Variants in LUZP1 observed in about 807,000 individuals in gnomAD.
LUZP1 encodes the protein filamin mechanobinding actin cross-linking protein.
LUZP1 carries 25 observed loss-of-function variants against 71.3 expected under a neutral mutation model. That is an observed-to-expected ratio of 0.35 (90% CI 0.26 to 0.49). The LOEUF is 0.49. LUZP1 is among the 20% of genes least tolerant of loss of function. LUZP1 has a pLI of 0.99. For synonymous variants in LUZP1, 481 were observed against 506.4 expected (o/e 0.95, Z 0.67); for missense variants, 1,142 against 1,300.8 (o/e 0.88, Z 1.88).
chr1:23,117,589 G>C (rs2124658038), intron 2 of LUZP1, among the ~76,000 whole-genome samples: 1 of 146,932 alleles, frequency 6.8e-6, no homozygotes, highest in Non-Finnish European at 1.5e-5. Context: ...TAAGTACTAA[G>C]AGAGGTGGAT....
At chr1:23,117,503 G>A (rs1398832765) in intron 2 of LUZP1, among the ~76,000 whole-genome samples, 1 of 30,430 alleles carries the variant, frequency 3.3e-5, no homozygotes, top group Non-Finnish European at 5.2e-5. Context: ...CAATCAGGAA[G>A]CCCTGGGGGG....
intron 2 of LUZP1, among the ~76,000 whole-genome samples, chr1:23,132,512 TAA>T (rs11311477): frequency 2.1e-3 from 304 of 144,906 alleles, no homozygotes; most frequent in African/African-American, 5.3e-3. Flanking sequence ...ACTTCTTGTT[TAA>T]AAAAAAAAAA....
intron 2 of LUZP1, among the ~76,000 whole-genome samples, chr1:23,145,368 T>A (rs1240817122): frequency 1.3e-5 from 2 of 152,142 alleles, no homozygotes; most frequent in South Asian, 2.1e-4. Context: ...ACAATAATAA[T>A]AGGTAATATT....
At chr1:23,097,183 T>C (rs1353258563) in intron 3 of LUZP1, among the ~76,000 whole-genome samples, 1 of 152,100 alleles carries the variant, frequency 6.6e-6, no homozygotes, top group Non-Finnish European at 1.5e-5. Flanking sequence ...CCTAATACTA[T>C]CTCCTTAAAG....
chr1:23,121,056 G>A (rs1218775480), intron 2 of LUZP1, among the ~76,000 whole-genome samples: 6 of 152,122 alleles, frequency 3.9e-5, no homozygotes, highest in African/African-American at 1.4e-4. Context: ...CCAGCCCAGG[G>A]AGAAAAATCC....
chr1:23,153,662 T>TTTTTG (rs370339175), intron 2 of LUZP1, among the ~76,000 whole-genome samples: 2,945 of 152,302 alleles, frequency 0.019, 37 homozygotes, highest in Middle Eastern at 0.058. Flanking sequence ...CTCTTACCTG[T>TTTTTG]TTTTGTTTTG....
At chr1:23,098,399 T>G (rs1270997550) in intron 3 of LUZP1, among the ~76,000 whole-genome samples, 1 of 152,148 alleles carries the variant, frequency 6.6e-6, no homozygotes, top group East Asian at 1.9e-4. Context: ...ATTGAAATCA[T>G]GGAGGGACTG....
chr1:23,163,552 T>C (rs1237455145), intron 2 of LUZP1, among the ~76,000 whole-genome samples: 4 of 124,408 alleles, frequency 3.2e-5, no homozygotes, highest in Admixed American at 9.0e-5. Flanking sequence ...AGATCCCGTC[T>C]CTTAAAAAAA....
chr1:23,103,849 AGG>A (rs1350818277), intron 3 of LUZP1, among the ~76,000 whole-genome samples: 4 of 3,856 alleles, frequency 1.0e-3, no homozygotes, highest in African/African-American at 4.4e-3. Context: ...AGAGGGAGGG[AGG>A]GAGGGAGGGA....
chr1:23,162,863 T>C (rs1033269279), intron 2 of LUZP1: 1 of 152,094 alleles, frequency 6.6e-6, no homozygotes, highest in Non-Finnish European at 1.5e-5. Flanking sequence ...CACATGCAAA[T>C]ACGGCAGGTC....
At chr1:23,084,186 A>G (rs1643720237) in exon 5 of LUZP1, 1 of 152,214 alleles carries the variant, frequency 6.6e-6, no homozygotes, top group Non-Finnish European at 1.5e-5. Context: ...CCACAAACTT[A>G]GTGGCTCTTA....
chr1:23,098,552 T>C (rs568361475), intron 3 of LUZP1, among the ~76,000 whole-genome samples: 16 of 152,272 alleles, frequency 1.1e-4, no homozygotes, highest in Admixed American at 1.0e-3. Flanking sequence ...GTAAGCGCCA[T>C]AAATTAACAG....
chr1:23,147,016 G>C (rs1211166956), intron 2 of LUZP1, among the ~76,000 whole-genome samples: 1 of 151,678 alleles, frequency 6.6e-6, no homozygotes, highest in Non-Finnish European at 1.5e-5. Flanking sequence ...AGAATGGCGT[G>C]AGCCCGGGAG....
chr1:23,176,838 G>A (rs1197177507), intron 1 of LUZP1, among the ~76,000 whole-genome samples: 2 of 152,110 alleles, frequency 1.3e-5, no homozygotes, highest in African/African-American at 4.8e-5. Context: ...CATGAAGCTG[G>A]GGTCCTCAAA....
chr1:23,141,721 C>T (rs1644304614), intron 2 of LUZP1, among the ~76,000 whole-genome samples: 1 of 152,096 alleles, frequency 6.6e-6, no homozygotes, highest in African/African-American at 2.4e-5. Context: ...CCAATGTCCC[C>T]CAGGCTAGAG....
At chr1:23,177,621 C>T (rs2746554) in exon 1 of LUZP1, 1 of 152,372 alleles carries the variant, frequency 6.6e-6, no homozygotes, top group African/African-American at 2.4e-5. Context: ...GACTCAGCCT[C>T]TCTCCCCTCC....
At chr1:23,162,615 T>G (rs545083388) in intron 2 of LUZP1, 2 of 152,002 alleles carry the variant, frequency 1.3e-5, no homozygotes, top group Admixed American at 6.6e-5. Context: ...ATTTTTTGTA[T>G]TTTTAGTAGC....
chr1:23,141,731 G>C (rs1239915336), intron 2 of LUZP1, among the ~76,000 whole-genome samples: 3 of 152,114 alleles, frequency 2.0e-5, no homozygotes, highest in African/African-American at 7.2e-5. Flanking sequence ...CCAGGCTAGA[G>C]AGCAGGGGCA....
At chr1:23,097,554 A>G (rs146753318) in intron 3 of LUZP1, among the ~76,000 whole-genome samples, 1,719 of 152,334 alleles carry the variant, frequency 0.011, 40 homozygotes, top group African/African-American at 0.038. Context: ...CATGAGGCAA[A>G]GAAAGGAATT....
Sources: allele counts gnomAD v4.1 joint callset (sites outside exome capture counted in the v4.1 genomes callset), GRCh38; gene constraint gnomAD v4.1.1; transcripts MANE v1.5; gene names NCBI Gene and HGNC (gene_info 2026-07-23, HGNC 2026-07-21).